GFOD2: variants seen among roughly 807,000 people sequenced by gnomAD.
GFOD2 encodes Gfo/Idh/MocA-like oxidoreductase domain containing 2.
In GFOD2, 9 loss-of-function variants were observed where a neutral mutation model predicts 24.6. The ratio of observed to expected loss-of-function variants is 0.37; its 90% confidence interval spans 0.22 to 0.64. GFOD2 has a LOEUF of 0.64. GFOD2 is among the 30% of genes least tolerant of loss of function. The pLI, the probability that GFOD2 is intolerant of heterozygous loss-of-function variation, is 0.65. For missense variants in GFOD2, 476 were observed against 532.5 expected (o/e 0.89, Z 1.04); for synonymous variants, 211 against 224.8 (o/e 0.94, Z 0.55).
chr16:67,693,881 T>C (rs1015069222), intron 1 of GFOD2, among the ~76,000 whole-genome samples: 2 of 152,014 alleles, frequency 1.3e-5, no homozygotes, highest in Middle Eastern at 3.4e-3. Context: ...GATCATGCCA[T>C]TGCACTCCAG....
rs551181902 is a variant in GFOD2 at position 67,713,212 on chromosome 16, A to T, written c.-88+5951T>A. On this transcript the variant is annotated intron_variant, in intron 1 of 2. Coordinates refer to ENST00000268797, the MANE Select transcript of GFOD2 (RefSeq NM_030819.4). ...ATAAGCATCTTTCATGTTATCATAA[A>T]TAGTTTTATGGGTTACATAACAGGT... Among the ~76,000 whole-genome samples the T allele has an allele frequency of 2.6e-5, 4 of 152,064 alleles. No homozygotes were observed. The South Asian group carries it at 8.3e-4, about 32-fold the overall frequency.
At chr16:67,702,227 T>C (rs116589084) in intron 1 of GFOD2, among the ~76,000 whole-genome samples, 138 of 152,276 alleles carry the variant, frequency 9.1e-4, no homozygotes, top group African/African-American at 3.2e-3. Flanking sequence ...CTCACACCTA[T>C]AATCCCAGCA....
intron 2 of GFOD2, chr16:67,683,688 C>A: frequency 8.1e-7 from 1 of 1,231,052 alleles, no homozygotes; most frequent in South Asian, 4.1e-5. Context: ...CTTCCCTACC[C>A]ACTGAGCCAG....
In GFOD2 at chr16:67,678,489, A is replaced by AG. The variant is rs796179568; in HGVS notation, c.260-2437_260-2436insC. On this transcript the variant is annotated intron_variant, in intron 2 of 2. Transcript: ENST00000268797. The stretch of plus-strand genomic sequence containing the variant: ...GAAACTCTGTCTCAAAAAAAAAAAA[A>AG]AAAAAGAAAAAGAAAAAGAAATGGC... 4.4e-3 allele frequency among the ~76,000 whole-genome samples: 671 copies of AG among 151,846 alleles called. 5 individuals carry two copies. Among genetic ancestry groups the AG allele is most frequent in the African/African-American group, 9.5e-3 (395 of 41,372 alleles).
chr16:67,680,071 C>G (rs1397785578), intron 2 of GFOD2, among the ~76,000 whole-genome samples: 1 of 152,160 alleles, frequency 6.6e-6, no homozygotes, highest in Non-Finnish European at 1.5e-5. Context: ...GATTTTTAAA[C>G]TTTTTGTAAA....
intron 2 of GFOD2, chr16:67,682,443 C>CTA: frequency 1.0e-6 from 1 of 985,346 alleles, no homozygotes; most frequent in African/African-American, 1.7e-5. Context: ...GGCAAAGATG[C>CTA]TAGGGGCACC....
chr16:67,688,530 G>T (rs917635306), intron 1 of GFOD2, among the ~76,000 whole-genome samples: 23 of 151,996 alleles, frequency 1.5e-4, no homozygotes, highest in African/African-American at 5.1e-4. Context: ...ATGAGATGTA[G>T]GTGTGCTCAG....
chr16:67,713,875 C>A (rs2053491718), intron 1 of GFOD2, among the ~76,000 whole-genome samples: 1 of 152,058 alleles, frequency 6.6e-6, no homozygotes, highest in African/African-American at 2.4e-5. Context: ...TATGACCAGT[C>A]CCCAGCCTGA....
chr16:67,675,008 G>C lies in GFOD2; in HGVS notation c.*147C>G. The C allele has an allele frequency of 2.3e-6, 2 of 857,502 alleles. No individual in the cohort carries two copies. The highest frequency in any genetic ancestry group is 3.6e-6 in the Non-Finnish European group (2 of 552,636). 53.1% of individuals were successfully genotyped at this position (857,502 alleles called of 1,614,324 possible). ...CTGAGGAGCAGATGAGCCACTGGAG[G>C]GGGCGAAGTCCCAGAGCCACCTCTG... On this transcript the variant is annotated 3_prime_UTR_variant, in exon 3 of 3. Coordinates refer to ENST00000268797, the MANE Select transcript of GFOD2 (RefSeq NM_030819.4).
chr16:67,685,497 G>A lies in GFOD2; in HGVS notation c.219C>T (p.Ile73=). ...HQDVDLVCIS[I]PPPLTRQISV... ...ATATCTGCCGGGTGAGTGGAGGGGG[G>A]ATGCTGATGCACACCAGATCCACAT... is the stretch of plus-strand genomic sequence containing the variant. The change falls in exon 2 of 3, where the codon ATC becomes ATT. Residue 73 remains isoleucine, a synonymous_variant. Transcript: ENST00000268797. 6.2e-7 allele frequency: 1 copy of A among 1,614,182 alleles called. No individual in the cohort carries two copies. The highest frequency in any genetic ancestry group is 8.5e-7 in the Non-Finnish European group (1 of 1,180,030).
At chr16:67,683,425 T>C in intron 2 of GFOD2, 1 of 1,229,614 alleles carries the variant, frequency 8.1e-7, no homozygotes, top group African/African-American at 1.6e-5. Flanking sequence ...AGGAGTCAAG[T>C]GACCAATAGC....
At chr16:67,679,288 A>C (rs2053206258) in intron 2 of GFOD2, among the ~76,000 whole-genome samples, 1 of 147,918 alleles carries the variant, frequency 6.8e-6, no homozygotes, top group Non-Finnish European at 1.5e-5. Flanking sequence ...GCTGGAGTGC[A>C]ATGGTACGAT....
chr16:67,677,740 T>C (rs2053193600), intron 2 of GFOD2: 1 of 152,280 alleles, frequency 6.6e-6, no homozygotes, highest in African/African-American at 2.4e-5. Flanking sequence ...TACCAAGTCT[T>C]GGGCTGGACT....
At chr16:67,687,267 CAT>C (rs2053274120) in intron 1 of GFOD2, among the ~76,000 whole-genome samples, 1 of 151,184 alleles carries the variant, frequency 6.6e-6, no homozygotes, top group African/African-American at 2.4e-5. Context: ...TGGTAGCAAA[CAT>C]AGGAAAATGC....
At position 67,685,772 on chromosome 16, in the gene GFOD2, A is replaced by T. The variant is rs2053262266; in HGVS notation, c.-57T>A. On this transcript the variant is annotated 5_prime_UTR_variant, in exon 2 of 3. Transcript: ENST00000268797. ...CACAAGAGCCTCTGGCATGGATATG[A>T]TCTTCCAAACGTCCTGGTCAGACAT... is the stretch of plus-strand genomic sequence containing the variant. 1 of 1,562,606 alleles carries T rather than the reference A, an allele frequency of 6.4e-7. No homozygotes were observed. Among genetic ancestry groups the T allele is most frequent in the South Asian group, 1.2e-5 (1 of 85,532 alleles).
intron 1 of GFOD2, among the ~76,000 whole-genome samples, chr16:67,718,594 G>C (rs1230496364): frequency 6.6e-6 from 1 of 152,174 alleles, no homozygotes; most frequent in Admixed American, 6.5e-5. Context: ...CAAATACAAA[G>C]GTAGGCCAGG....
intron 1 of GFOD2, among the ~76,000 whole-genome samples, chr16:67,687,055 G>A (rs2142994043): frequency 6.6e-6 from 1 of 151,562 alleles, no homozygotes; most frequent in Non-Finnish European, 1.5e-5. Context: ...GGCTGAGGCA[G>A]GAGAATCACT....
At chr16:67,690,343 T>C (rs2053301862) in intron 1 of GFOD2, among the ~76,000 whole-genome samples, 1 of 152,146 alleles carries the variant, frequency 6.6e-6, no homozygotes, top group Non-Finnish European at 1.5e-5. Context: ...TGTTATTTTC[T>C]GGTGTTTTTT....
At chr16:67,680,043 G>A (rs2053213856) in intron 2 of GFOD2, among the ~76,000 whole-genome samples, 1 of 152,184 alleles carries the variant, frequency 6.6e-6, no homozygotes, top group Non-Finnish European at 1.5e-5. Flanking sequence ...CCATAGATGA[G>A]TGACAGCACG....
Sources: allele counts gnomAD v4.1 joint callset (sites outside exome capture counted in the v4.1 genomes callset), GRCh38; gene constraint gnomAD v4.1.1; transcripts MANE v1.5; gene names NCBI Gene and HGNC (gene_info 2026-07-23, HGNC 2026-07-21).